The following GLIS1 variants were observed in gnomAD, a reference collection of about 807,000 sequenced individuals.
The protein encoded by GLIS1 is zinc finger protein GLIS1.
GLIS1 carries 24 observed loss-of-function variants against 63.8 expected under a neutral mutation model. The observed-to-expected ratio is 0.38, with a 90% confidence interval of 0.27 to 0.53. The LOEUF (loss-of-function observed/expected upper bound fraction) is 0.53, where lower values mean the gene tolerates loss of function less well. Among genes scored for constraint, GLIS1 ranks in the 20% least tolerant of loss-of-function variants. The pLI is 0.85. For synonymous variants in GLIS1, 450 were observed against 482.5 expected (o/e 0.93, Z 0.88); for missense variants, 1,036 against 1,074.1 (o/e 0.96, Z 0.50).
At chr1:53,677,002 T>G (rs1646219766) in intron 2 of GLIS1, among the ~76,000 whole-genome samples, 1 of 152,220 alleles carries the variant, frequency 6.6e-6, no homozygotes, top group Non-Finnish European at 1.5e-5. Flanking sequence ...CACAGGTCTC[T>G]GGGACTGCAT....
intron 2 of GLIS1, among the ~76,000 whole-genome samples, chr1:53,626,235 C>G (rs1645592461): frequency 1.3e-5 from 2 of 152,194 alleles, no homozygotes; most frequent in African/African-American, 4.8e-5. Context: ...AGTGGGGTTG[C>G]TAATCCAGCT....
intron 2 of GLIS1, among the ~76,000 whole-genome samples, chr1:53,645,179 C>A (rs984221406): frequency 1.3e-5 from 2 of 152,194 alleles, no homozygotes; most frequent in Non-Finnish European, 2.9e-5. Flanking sequence ...CTTCTCCCCC[C>A]CAGACATCTG....
intron 2 of GLIS1, among the ~76,000 whole-genome samples, chr1:53,719,592 C>T (rs1376200814): frequency 1.2e-4 from 19 of 152,138 alleles, no homozygotes; most frequent in Admixed American, 9.2e-4. Context: ...CCCCGTTACA[C>T]GTAGTCCTAG....
chr1:53,699,566 G>A (rs958922596), intron 2 of GLIS1, among the ~76,000 whole-genome samples: 1 of 152,144 alleles, frequency 6.6e-6, no homozygotes, highest in African/African-American at 2.4e-5. Flanking sequence ...TGAACATCAC[G>A]TTGGCACTCA....
At chr1:53,687,351 C>A (rs995368078) in intron 2 of GLIS1, among the ~76,000 whole-genome samples, 1 of 152,202 alleles carries the variant, frequency 6.6e-6, no homozygotes, top group Non-Finnish European at 1.5e-5. Context: ...GAAAGAGTCT[C>A]CTAAGGGATT....
chr1:53,594,195 G>A lies in GLIS1; in HGVS notation c.1233C>T (p.Cys411=), dbSNP rs1030668665. 1.9e-6 allele frequency: 3 copies of A among 1,613,940 alleles called. No individual in the cohort carries two copies. Among genetic ancestry groups the A allele is most frequent in the Non-Finnish European group, 2.5e-6 (3 of 1,179,968 alleles). The stretch of plus-strand genomic sequence containing the variant: ...CGTTGAAGGGCTTGTAGCGGCGCAC[G>A]CAGCCAGCCCAGAAGCAGGTGAAGT... The part of the protein sequence containing the change: ...GEDFTCFWAG[C]VRRYKPFNAR... The change falls in exon 4 of 11, where the codon TGC becomes TGT. Residue 411 remains cysteine (C), a synonymous_variant. Coordinates refer to ENST00000628545, the MANE Select transcript of GLIS1 (RefSeq NM_001367484.1).
chr1:53,578,542 G>A (rs981833959), intron 4 of GLIS1, among the ~76,000 whole-genome samples: 5 of 152,148 alleles, frequency 3.3e-5, no homozygotes, highest in African/African-American at 1.2e-4. Flanking sequence ...TTAATATCCA[G>A]ACAAAACTGC....
At chr1:53,582,250 T>C (rs1474341986) in intron 4 of GLIS1, among the ~76,000 whole-genome samples, 4 of 152,292 alleles carry the variant, frequency 2.6e-5, no homozygotes, top group Admixed American at 2.6e-4. Context: ...CTGGCACTGG[T>C]GCAAGCCTGT....
At chr1:53,725,288 G>A (rs939197253) in intron 2 of GLIS1, among the ~76,000 whole-genome samples, 1 of 152,196 alleles carries the variant, frequency 6.6e-6, no homozygotes, top group Non-Finnish European at 1.5e-5. Flanking sequence ...CCAGTGTCCT[G>A]TAGAGGGCTG....
chr1:53,600,121 C>T lies in GLIS1; in HGVS notation c.417G>A (p.Leu139=). 1 of 1,231,500 alleles carries T rather than the reference C, an allele frequency of 8.1e-7. No homozygotes were observed. The highest frequency in any genetic ancestry group is 1.0e-6 in the Non-Finnish European group (1 of 987,340). 76.3% of individuals were successfully genotyped at this position (1,231,500 alleles called of 1,614,324 possible). ...CCTACCTGTCAGGGTGGGGGAAATG[C>T]AGCAGCCTCTCACAAGCTTGGGGGT... ...RAHPQACERL[L]HFPHPDRSPR... Residue 139 remains leucine (L), a synonymous_variant, in exon 3 of 11, where the codon CTG becomes CTA. Transcript: ENST00000628545.
At chr1:53,735,778 G>A (rs531439589) in intron 2 of GLIS1, among the ~76,000 whole-genome samples, 3 of 152,144 alleles carry the variant, frequency 2.0e-5, no homozygotes, top group African/African-American at 7.2e-5. Context: ...TGGGAGTAGG[G>A]GCAGTAAGAA....
chr1:53,620,361 G>T (rs892773586), intron 2 of GLIS1, among the ~76,000 whole-genome samples: 1 of 152,176 alleles, frequency 6.6e-6, no homozygotes, highest in Admixed American at 6.5e-5. Context: ...AGAGGACAGG[G>T]TGAACAGAAA....
At chr1:53,708,099 G>A (rs1031626353) in intron 2 of GLIS1, among the ~76,000 whole-genome samples, 9 of 151,938 alleles carry the variant, frequency 5.9e-5, no homozygotes, top group Non-Finnish European at 8.8e-5. Context: ...TGGCTAACAC[G>A]GTGAAAACCT....
At chr1:53,687,892 C>T (rs913059709) in intron 2 of GLIS1, among the ~76,000 whole-genome samples, 19 of 152,304 alleles carry the variant, frequency 1.2e-4, no homozygotes, top group Middle Eastern at 3.4e-3. Flanking sequence ...CACCCCAACT[C>T]GGGGAGCTGG....
chr1:53,734,187 C>T, intron 2 of GLIS1: 2 of 985,200 alleles, frequency 2.0e-6, no homozygotes, highest in Non-Finnish European at 2.4e-6. Flanking sequence ...AGGATGCATC[C>T]AGTCTCAGTA....
chr1:53,692,617 T>C (rs1185776937), intron 2 of GLIS1, among the ~76,000 whole-genome samples: 1 of 151,938 alleles, frequency 6.6e-6, no homozygotes, highest in Non-Finnish European at 1.5e-5. Context: ...TCTCAGCCAC[T>C]GTGGGTGTAG....
rs1327519603 is a variant in GLIS1 at position 53,598,456 on chromosome 1, G to GC, written c.437+1644dup. On this transcript the variant is annotated intron_variant, in intron 3 of 10. Coordinates refer to ENST00000628545, the MANE Select transcript of GLIS1 (RefSeq NM_001367484.1). The surrounding 1 kb of genome is among the most constrained non-coding windows in gnomAD (Gnocchi z 4.6). ...TGGCTGAGGTGGCAGGATCACTTGA[G>GC]CCTGGGAGGTGGAGGCTGCAGCGAG... Among the ~76,000 whole-genome samples the GC allele has an allele frequency of 2.6e-5, 4 of 152,082 alleles. No homozygotes were observed. In the East Asian group the frequency reaches 7.7e-4, roughly 29 times the overall value.
chr1:53,644,026 G>A (rs1645816024), intron 2 of GLIS1, among the ~76,000 whole-genome samples: 1 of 152,180 alleles, frequency 6.6e-6, no homozygotes, highest in African/African-American at 2.4e-5. Context: ...AGGCCAAGTT[G>A]TTTTGAAAGG....
chr1:53,710,300 G>A (rs1434743479), intron 2 of GLIS1, among the ~76,000 whole-genome samples: 1 of 152,230 alleles, frequency 6.6e-6, no homozygotes, highest in Non-Finnish European at 1.5e-5. Flanking sequence ...CTAAGAGGTG[G>A]GCACGGCCGC....
Sources: allele counts gnomAD v4.1 joint callset (sites outside exome capture counted in the v4.1 genomes callset), GRCh38; gene constraint gnomAD v4.1.1; non-coding constraint Gnocchi (gnomAD v3.1); transcripts MANE v1.5; gene names NCBI Gene and HGNC (gene_info 2026-07-23, HGNC 2026-07-21).